The following CD163 variants were observed in gnomAD, a reference collection of about 807,000 sequenced individuals.
The protein encoded by CD163 is CD163 molecule, also known as scavenger receptor cysteine-rich type 1 protein M130.
A neutral mutation model predicts 129.2 loss-of-function variants in CD163; 64 were observed. The observed-to-expected ratio is 0.50, with a 90% CI of 0.41 to 0.61. The LOEUF is 0.61. Ranked by LOEUF, CD163 falls within the 20% of genes least tolerant of loss-of-function variation. The pLI, the probability that CD163 is intolerant of heterozygous loss-of-function variation, is 0.00. For synonymous variants in CD163, 446 were observed against 478.5 expected (o/e 0.93, Z 0.89); for missense variants, 1,061 against 1,377.9 (o/e 0.77, Z 3.64).
At chr12:7,471,446 A>T (rs1315395330) in intron 16 of CD163, 49 bp from the exon 17 acceptor site, 1 of 152,222 alleles carries the variant, frequency 6.6e-6, no homozygotes, top group East Asian at 1.9e-4. Flanking sequence ...TATGCGTATA[A>T]GAATTCATTA....
At chr12:7,474,420 A>T (rs1261257854) in intron 16 of CD163, among the ~76,000 whole-genome samples, 1 of 152,176 alleles carries the variant, frequency 6.6e-6, no homozygotes, top group Non-Finnish European at 1.5e-5. Context: ...AGATTAAGAA[A>T]CTCACTCGAA....
At chr12:7,499,372 T>A (rs1949447425) in intron 3 of CD163, among the ~76,000 whole-genome samples, 184 bp from the exon 4 acceptor site, 1 of 152,214 alleles carries the variant, frequency 6.6e-6, no homozygotes, top group Non-Finnish European at 1.5e-5. Flanking sequence ...CAATTAGGAT[T>A]TTTATCTATA....
chr12:7,487,032 G>A lies in CD163; in HGVS notation c.2051-46C>T. 2.0e-6 allele frequency: 3 copies of A among 1,464,730 alleles called. No individual in the cohort carries two copies. The highest frequency in any genetic ancestry group is 2.9e-6 in the Non-Finnish European group (3 of 1,049,398). The allele number at this position is 1,464,730 out of a possible 1,614,324, so 90.7% of individuals were successfully genotyped here. A position where few individuals can be genotyped will look rare whatever the true frequency, so the allele number is the denominator to read the frequency against. On this transcript the variant is annotated intron_variant, in intron 8 of 16. Transcript: ENST00000432237. This position sits in a 1 kb window ranked among gnomAD's most constrained non-coding sequence, Gnocchi z 5.1. ...AGTCATACAAGACACAAAAGGTTAG[G>A]GGAGTCAGATGAAATGTTATATGGA...
In CD163 at chr12:7,501,299, T is replaced by C. The variant is rs991989458; in HGVS notation, c.297A>G (p.Lys99=). ...CACTGGAATTAGCCCATCCAGGGGC[T>C]TTGATAGCAGTTGGACATCCCAGCT... ...CNQLGCPTAI[K]APGWANSSAG... Residue 99 remains lysine (K), a synonymous_variant, in exon 3 of 17, where the codon AAA becomes AAG. Transcript: ENST00000432237. 6.2e-6 allele frequency: 10 copies of C among 1,614,194 alleles called. No homozygotes were observed. Among genetic ancestry groups the C allele is most frequent in the Non-Finnish European group, 8.5e-6 (10 of 1,180,020 alleles).
At chr12:7,499,530 T>G in intron 3 of CD163, among the ~76,000 whole-genome samples, 1 of 152,192 alleles carries the variant, frequency 6.6e-6, no homozygotes, top group Non-Finnish European at 1.5e-5. Context: ...TTGACTCAGG[T>G]TAAAGCTTTA....
rs781407234 is a variant in CD163, at chr12:7,486,967, C to G, written c.2070G>C (p.Leu690=). The part of the protein sequence containing the change: ...VICSGNQSQT[L]SSCNSSSLGP... ...CCAAAGACGATGAATTGCACGAGGACAGTGTTTGGGACTGGTTTCCTGCAA... is the reference window on the plus strand; with the variant it reads ...CCAAAGACGATGAATTGCACGAGGAGAGTGTTTGGGACTGGTTTCCTGCAA... The change falls in exon 9 of 17, where the codon CTG becomes CTC. Residue 690 remains leucine, a synonymous_variant. Transcript: ENST00000432237. 3.1e-6 allele frequency: 5 copies of G among 1,613,938 alleles called. No individual in the cohort carries two copies. Among genetic ancestry groups the G allele is most frequent in the Non-Finnish European group, 4.2e-6 (5 of 1,179,966 alleles).
intron 10 of CD163, among the ~76,000 whole-genome samples, chr12:7,486,109 CT>C (rs924105870): frequency 1.3e-5 from 2 of 152,120 alleles, no homozygotes; most frequent in Non-Finnish European, 2.9e-5. Context: ...TAGTAATTAT[CT>C]TTTTTTCTGT....
chr12:7,478,193 G>C (rs1314566500), intron 16 of CD163, among the ~76,000 whole-genome samples: 1 of 152,032 alleles, frequency 6.6e-6, no homozygotes, highest in African/African-American at 2.4e-5. Flanking sequence ...GACTTTATTG[G>C]TAAGAAGAAA....
In CD163 at chr12:7,495,244, T is replaced by G. The variant is rs1183887009; in HGVS notation, c.1257A>C (p.Ala419=). 1.2e-6 allele frequency: 2 copies of G among 1,614,114 alleles called. No homozygotes were observed. Among genetic ancestry groups the G allele is most frequent in the Non-Finnish European group, 8.5e-7 (1 of 1,180,004 alleles). Residue 419 remains alanine, a synonymous_variant, in exon 6 of 17, where the codon GCA becomes GCC. Coordinates refer to ENST00000432237, the MANE Select transcript of CD163 (RefSeq NM_203416.4). ...VVCRQLGCGS[A]LKTSYQVYSK... is the part of the protein sequence containing the mutation. The stretch of plus-strand genomic sequence containing the variant: ...AGTACACTTGATAAGATGTTTTGAG[T>G]GCAGATCCACATCCCAGCTGCCTGC...
chr12:7,498,118 T>G (rs958492032), intron 4 of CD163, among the ~76,000 whole-genome samples: 4 of 148,924 alleles, frequency 2.7e-5, no homozygotes, highest in Non-Finnish European at 5.9e-5. Context: ...TGGAAGTTCC[T>G]TTATTTACAC....
At chr12:7,494,871 T>A (rs1374333403) in intron 6 of CD163, among the ~76,000 whole-genome samples, 1 of 152,188 alleles carries the variant, frequency 6.6e-6, no homozygotes, top group East Asian at 1.9e-4. Flanking sequence ...TAAAAATTAC[T>A]CAAAAACCAA....
intron 15 of CD163, 66 bp downstream of exon 15, chr12:7,481,095 T>A (rs1176728665): frequency 1.6e-5 from 25 of 1,571,862 alleles, no homozygotes; most frequent in Non-Finnish European, 8.6e-7. Flanking sequence ...AAGTAGAATG[T>A]CTGTGCCTCA....
chr12:7,496,985 A>G lies in CD163; in HGVS notation c.927T>C (p.Cys309=). The G allele has an allele frequency of 6.2e-7, 1 of 1,614,028 alleles. No homozygotes were observed. Among genetic ancestry groups the G allele is most frequent in the Non-Finnish European group, 8.5e-7 (1 of 1,179,986 alleles). ...GACCAATGGCTGTGACGGCAGTTGG[A>G]CATCCCAGTTGCTTGCATGCCACAG... ...DAAVACKQLG[C]PTAVTAIGRV... Residue 309 remains cysteine (C), a synonymous_variant, in exon 5 of 17, where the codon TGT becomes TGC. Coordinates refer to ENST00000432237, the MANE Select transcript of CD163 (RefSeq NM_203416.4). The surrounding 1 kb of genome is among the most constrained non-coding windows in gnomAD (Gnocchi z 4.8).
chr12:7,489,750 CACAA>C (rs1406381594), intron 6 of CD163, among the ~76,000 whole-genome samples: 9 of 152,066 alleles, frequency 5.9e-5, no homozygotes, highest in African/African-American at 2.2e-4. Context: ...CAAACTGCAG[CACAA>C]ACAGTTTTCA....
chr12:7,494,980 T>C (rs765548733), intron 6 of CD163, 101 bp downstream of exon 6: 1 of 871,378 alleles, frequency 1.1e-6, no homozygotes, highest in East Asian at 2.4e-5. Context: ...CCTGGTTTCT[T>C]GAGAGTGATC....
intron 16 of CD163, among the ~76,000 whole-genome samples, chr12:7,474,865 T>C (rs1177668862): frequency 5.3e-5 from 8 of 151,722 alleles, no homozygotes; most frequent in Non-Finnish European, 1.5e-5. Context: ...AAGAATCAAA[T>C]AGATATAATA....
rs971255339 is a variant in CD163, at chr12:7,503,776, C to G, written c.-86G>C. On this transcript the variant is annotated 5_prime_UTR_variant, in exon 1 of 17. Transcript: ENST00000432237. Reference sequence around the variant, plus strand: ...CTTCTAAAGAAAACAACTAAGAATTCTAAAAATCACTTCACTTTCATGAAA... The same window carrying G: ...CTTCTAAAGAAAACAACTAAGAATTGTAAAAATCACTTCACTTTCATGAAA... 1.5e-5 allele frequency: 12 copies of G among 804,266 alleles called. No individual in the cohort carries two copies. The highest frequency in any genetic ancestry group is 2.4e-5 in the Non-Finnish European group (12 of 503,400). 49.8% of individuals were successfully genotyped at this position (804,266 alleles called of 1,614,324 possible).
rs1250662387 is a variant in CD163, at chr12:7,487,557, G to A, written c.1852C>T (p.His618Tyr). ...CATTTAAGCTGCTGGCAAAGAACATGGGCATCTTCTATGTCCCAGTGAGAG... is the reference window on the plus strand; with the variant it reads ...CATTTAAGCTGCTGGCAAAGAACATAGGCATCTTCTATGTCCCAGTGAGAG... ...CNSHWDIEDA[H>Y]VLCQQLKCGV... Residue 618 changes from histidine to tyrosine, a missense_variant, in exon 8 of 17, where the codon CAT becomes TAT. Transcript: ENST00000432237. The surrounding 1 kb of genome is among the most constrained non-coding windows in gnomAD (Gnocchi z 5.1). The A allele has an allele frequency of 2.5e-6, 4 of 1,614,084 alleles. No homozygotes were observed. Among genetic ancestry groups the A allele is most frequent in the Non-Finnish European group, 2.5e-6 (3 of 1,180,014 alleles).
chr12:7,472,137 C>A (rs747327400), intron 16 of CD163, among the ~76,000 whole-genome samples: 1 of 152,206 alleles, frequency 6.6e-6, no homozygotes, highest in Non-Finnish European at 1.5e-5. Flanking sequence ...AGCTTCAGCG[C>A]ACTTAAACAT....
Sources: gnomAD v4.1 joint callset for allele counts (sites outside exome capture counted in the v4.1 genomes callset) on GRCh38, gnomAD v4.1.1 for gene constraint, Gnocchi (gnomAD v3.1) non-coding constraint, MANE v1.5 for transcripts, NCBI Gene and HGNC (gene_info 2026-07-23, HGNC 2026-07-21) for gene names.